Variants in EPB41L4A observed in about 807,000 individuals in gnomAD.
EPB41L4A encodes erythrocyte membrane protein band 4.1 like 4A.
In EPB41L4A, 100 loss-of-function variants were observed where a neutral mutation model predicts 108.6. The ratio of observed to expected loss-of-function variants is 0.92; its 90% CI spans 0.78 to 1.09. The LOEUF is 1.09. Among genes scored for constraint, EPB41L4A ranks in the 50% least tolerant of loss-of-function variants. The pLI is 0.00. For synonymous variants in EPB41L4A, 319 were observed against 289.0 expected, an observed-to-expected ratio of 1.10 and a Z score of -1.05; for missense variants, 1,030 against 842.7, an observed-to-expected ratio of 1.22 and a Z score of -2.75.
At chr5:112,295,513 C>T (rs568129736) in intron 2 of EPB41L4A, among the ~76,000 whole-genome samples, 5 of 152,344 alleles carry the variant, frequency 3.3e-5, no homozygotes, top group African/African-American at 1.2e-4. Context: ...ACTGCACTCT[C>T]CTTTCAAAAT....
At chr5:112,242,294 T>C (rs916856118) in intron 9 of EPB41L4A, among the ~76,000 whole-genome samples, 1 of 152,228 alleles carries the variant, frequency 6.6e-6, no homozygotes, top group African/African-American at 2.4e-5. Context: ...ATATTTTAAA[T>C]CCTTTGTTGT....
chr5:112,388,553 A>G (rs1294714852), intron 1 of EPB41L4A, among the ~76,000 whole-genome samples: 1 of 152,202 alleles, frequency 6.6e-6, no homozygotes, highest in Admixed American at 6.5e-5. Flanking sequence ...TGAATTGAAG[A>G]GACCGAGAGA....
intron 16 of EPB41L4A, among the ~76,000 whole-genome samples, chr5:112,195,447 T>C (rs1364955635): frequency 6.6e-6 from 1 of 150,572 alleles, no homozygotes; most frequent in East Asian, 1.9e-4. Flanking sequence ...AACAGATAAA[T>C]AAGACAGCTC....
Position 112,234,668 on chromosome 5 carries a change from A to T in EPB41L4A, c.1053T>A (p.Thr351=). The T allele has an allele frequency of 6.2e-7, 1 of 1,613,660 alleles. No homozygotes were observed. The highest frequency in any genetic ancestry group is 1.1e-5 in the South Asian group (1 of 91,054). ...DQNVTRSRSK[T]YPKRIAQTQP... is the part of the protein sequence containing the mutation. Reference sequence around the variant, plus strand: ...GTGTTTGTGCTATTCGCTTAGGGTAAGTCTTGCTTCGACTTCTTGTCACAT... The same window carrying T: ...GTGTTTGTGCTATTCGCTTAGGGTATGTCTTGCTTCGACTTCTTGTCACAT... Residue 351 remains threonine (T), a synonymous_variant, in exon 12 of 23, where the codon ACT becomes ACA. Transcript: ENST00000261486.
chr5:112,359,750 C>G (rs1243387261), intron 1 of EPB41L4A, among the ~76,000 whole-genome samples: 2 of 152,172 alleles, frequency 1.3e-5, no homozygotes, highest in Non-Finnish European at 2.9e-5. Flanking sequence ...CCGTGTTAGC[C>G]AGGATGGTCT....
chr5:112,222,552 C>A lies in EPB41L4A; in HGVS notation c.1087+12082G>T, dbSNP rs145668523. ...ATGGTGAATGCACAACAGGATCTCA[C>A]AGACTTCAGTTCATAGCTACTAAGC... On this transcript the variant is annotated intron_variant, in intron 12 of 22. Coordinates refer to ENST00000261486, the MANE Select transcript of EPB41L4A (RefSeq NM_022140.5). Among the ~76,000 whole-genome samples, 507 of 152,326 alleles carry A rather than the reference C, an allele frequency of 3.3e-3. 2 individuals carry two copies. Among genetic ancestry groups the A allele is most frequent in the African/African-American group, 0.012 (482 of 41,566 alleles).
At chr5:112,198,041 CT>C (rs917369857) in intron 15 of EPB41L4A, among the ~76,000 whole-genome samples, 1 of 150,118 alleles carries the variant, frequency 6.7e-6, no homozygotes, top group Non-Finnish European at 1.5e-5. Context: ...ATTTTTTTTT[CT>C]TTTTTTTTGA....
intron 1 of EPB41L4A, among the ~76,000 whole-genome samples, chr5:112,395,857 A>G (rs1032481758): frequency 9.2e-5 from 14 of 152,236 alleles, no homozygotes; most frequent in African/African-American, 3.4e-4. Flanking sequence ...AATGTCCATC[A>G]ATGATAGACT....
intron 22 of EPB41L4A, among the ~76,000 whole-genome samples, chr5:112,167,893 C>T (rs926315878): frequency 4.6e-5 from 7 of 152,318 alleles, no homozygotes; most frequent in East Asian, 3.9e-4. Flanking sequence ...AGGCTTCTTA[C>T]GTGGTCCAAA....
At chr5:112,241,244 A>C (rs1250800044) in intron 9 of EPB41L4A, among the ~76,000 whole-genome samples, 1 of 152,190 alleles carries the variant, frequency 6.6e-6, no homozygotes, top group East Asian at 1.9e-4. Flanking sequence ...ATGAGTAAAG[A>C]ATCTCAAGCC....
At chr5:112,234,887 T>A in intron 11 of EPB41L4A, 132 bp from the exon 12 acceptor site, 1 of 956,064 alleles carries the variant, frequency 1.0e-6, no homozygotes. Context: ...TTTAATTGAT[T>A]CTCATTGCAA....
chr5:112,244,913 T>C (rs1475200006), intron 9 of EPB41L4A, among the ~76,000 whole-genome samples: 4 of 152,152 alleles, frequency 2.6e-5, no homozygotes, highest in African/African-American at 9.7e-5. Context: ...TCTTAGCTCC[T>C]GTATCATTAT....
chr5:112,414,453 T>A (rs886670883), intron 1 of EPB41L4A, among the ~76,000 whole-genome samples: 1 of 152,112 alleles, frequency 6.6e-6, no homozygotes, highest in Non-Finnish European at 1.5e-5. Flanking sequence ...GTTGTCATTA[T>A]TGGAAAAGAG....
At chr5:112,307,526 C>T (rs1481479498) in intron 1 of EPB41L4A, 36 bp from the exon 2 acceptor site, 1 of 1,395,854 alleles carries the variant, frequency 7.2e-7, no homozygotes, top group East Asian at 2.3e-5. Flanking sequence ...TTTTTAACTG[C>T]CCTTTTGTTC....
chr5:112,247,767 C>T (rs1750357900), intron 9 of EPB41L4A, among the ~76,000 whole-genome samples: 1 of 152,100 alleles, frequency 6.6e-6, no homozygotes. Context: ...AGTATTCCGT[C>T]TTAAAATAAA....
At chr5:112,404,154 C>T (rs1250907956) in intron 1 of EPB41L4A, among the ~76,000 whole-genome samples, 1 of 152,236 alleles carries the variant, frequency 6.6e-6, no homozygotes, top group Non-Finnish European at 1.5e-5. Context: ...CCATAAGGCA[C>T]AGCACTATCT....
At position 112,238,115 on chromosome 5, in the gene EPB41L4A, T is replaced by C. The variant is rs79385193; in HGVS notation, c.965+1545A>G. Among the ~76,000 whole-genome samples the C allele has an allele frequency of 5.0e-4, 76 of 152,302 alleles. 1 individual carries two copies. Among genetic ancestry groups the C allele is most frequent in the African/African-American group, 1.8e-3 (75 of 41,562 alleles). On this transcript the variant is annotated intron_variant, in intron 11 of 22. Transcript: ENST00000261486. ...AAGAGGATAATTACAATTTTAATAG[T>C]ATGAACATTAAGACAGATGTCTTTC...
chr5:112,180,076 G>T (rs139256100), intron 18 of EPB41L4A, among the ~76,000 whole-genome samples: 7 of 151,924 alleles, frequency 4.6e-5, no homozygotes, highest in African/African-American at 1.7e-4. Flanking sequence ...AAATTACTCC[G>T]TACTGAGAAC....
intron 1 of EPB41L4A, among the ~76,000 whole-genome samples, chr5:112,362,437 C>T (rs1000263175): frequency 2.6e-5 from 4 of 152,044 alleles, no homozygotes; most frequent in African/African-American, 4.8e-5. Flanking sequence ...TGCGCTGCTG[C>T]GCCAAGATAA....
Sources: allele counts gnomAD v4.1 joint callset (sites outside exome capture counted in the v4.1 genomes callset), GRCh38; gene constraint gnomAD v4.1.1; transcripts MANE v1.5; gene names NCBI Gene and HGNC (gene_info 2026-07-23, HGNC 2026-07-21).